TMEM38B: variants seen among roughly 807,000 people sequenced by gnomAD.
The protein encoded by TMEM38B is trimeric intracellular cation channel type B.
TMEM38B carries 24 observed loss-of-function variants against 28.7 expected under a neutral mutation model. That is an observed-to-expected ratio of 0.84 (90% confidence interval 0.61 to 1.18). The LOEUF (loss-of-function observed/expected upper bound fraction) is 1.18. Ranked by LOEUF, TMEM38B falls within the 50% of genes most tolerant of loss-of-function variation. TMEM38B has a pLI of 0.00. For missense variants in TMEM38B, 380 were observed against 350.9 expected (o/e 1.08, Z -0.66); for synonymous variants, 131 against 127.7 (o/e 1.03, Z -0.17).
intron 2 of TMEM38B, among the ~76,000 whole-genome samples, chr9:105,716,080 T>A (rs1032085894): frequency 5.3e-5 from 8 of 152,208 alleles, no homozygotes; most frequent in Non-Finnish European, 1.0e-4. Flanking sequence ...TGCTTTTTGA[T>A]ATTTCTTGGA....
At position 105,728,172 on chromosome 9, in the gene TMEM38B, C is replaced by T. The variant is rs147748939; in HGVS notation, c.542+5551C>T. Among the ~76,000 whole-genome samples, 17 of 152,076 alleles carry T rather than the reference C, an allele frequency of 1.1e-4. No homozygotes were observed. In the East Asian group the frequency reaches 1.7e-3, roughly 16 times the overall value. ...GTTTGTTACATAGGTATACATGTGC[C>T]GTGTTGGTTTGCTGTACCTATCAAC... On this transcript the variant is annotated intron_variant, in intron 4 of 5. Transcript: ENST00000374692.
intron 2 of TMEM38B, among the ~76,000 whole-genome samples, chr9:105,713,668 G>A (rs112254103): frequency 1.4e-3 from 211 of 152,290 alleles, no homozygotes; most frequent in African/African-American, 4.7e-3. Context: ...GGAAGGGGGC[G>A]GGTTCCCAGT....
At chr9:105,697,129 CACAT>C (rs1281156383) in intron 1 of TMEM38B, among the ~76,000 whole-genome samples, 1 of 152,318 alleles carries the variant, frequency 6.6e-6, no homozygotes, top group East Asian at 1.9e-4. Flanking sequence ...TTTGGACAGA[CACAT>C]ACAGTCATTC....
chr9:105,730,052 A>G (rs943159881), intron 4 of TMEM38B, among the ~76,000 whole-genome samples: 1 of 152,122 alleles, frequency 6.6e-6, no homozygotes. Context: ...CTCTCTTCCT[A>G]TTTGAATACG....
Position 105,748,200 on chromosome 9 carries a change from C to G in TMEM38B, c.660+10C>G. On this transcript the variant is annotated intron_variant, in intron 5 of 5. Transcript: ENST00000374692. ...TATTGTGGCCACAAAGGTAAGAATT[C>G]AAAGTACCTATAATTATTACAAATC... The G allele has an allele frequency of 3.8e-6, 6 of 1,562,394 alleles. No homozygotes were observed. Among genetic ancestry groups the G allele is most frequent in the Non-Finnish European group, 5.3e-6 (6 of 1,134,100 alleles).
chr9:105,754,064 A>G (rs1296988204), intron 5 of TMEM38B, among the ~76,000 whole-genome samples: 4 of 152,240 alleles, frequency 2.6e-5, no homozygotes, highest in Non-Finnish European at 5.9e-5. Context: ...AAAAAAAGAC[A>G]AAGAAGTGCA....
At chr9:105,706,934 G>A (rs1052144004) in intron 2 of TMEM38B, among the ~76,000 whole-genome samples, 11 of 152,020 alleles carry the variant, frequency 7.2e-5, no homozygotes, top group African/African-American at 2.4e-4. Context: ...GCGCCACCAC[G>A]TCTGGCTAAT....
intron 2 of TMEM38B, among the ~76,000 whole-genome samples, chr9:105,713,064 G>C (rs762225943): frequency 6.6e-6 from 1 of 152,240 alleles, no homozygotes; most frequent in Non-Finnish European, 1.5e-5. Context: ...GGGACATGCG[G>C]GAGCCCTGCC....
intron 1 of TMEM38B, among the ~76,000 whole-genome samples, chr9:105,695,131 C>G (rs1394620700): frequency 6.9e-6 from 1 of 144,816 alleles, no homozygotes; most frequent in East Asian, 1.9e-4. Flanking sequence ...CAGCCCAGGG[C>G]TTGGGCGGCC....
chr9:105,707,245 T>C (rs185704868), intron 2 of TMEM38B, among the ~76,000 whole-genome samples: 93 of 152,330 alleles, frequency 6.1e-4, no homozygotes, highest in Admixed American at 2.8e-3. Context: ...TTATGGCTCA[T>C]ATTTAATTAT....
At chr9:105,764,288 A>G (rs991958505) in intron 5 of TMEM38B, among the ~76,000 whole-genome samples, 1 of 152,196 alleles carries the variant, frequency 6.6e-6, no homozygotes, top group African/African-American at 2.4e-5. Context: ...GAGGAAGTCA[A>G]ATTGTCCCTG....
At chr9:105,719,770 A>T (rs914151295) in intron 2 of TMEM38B, among the ~76,000 whole-genome samples, 3 of 152,140 alleles carry the variant, frequency 2.0e-5, no homozygotes, top group African/African-American at 4.8e-5. Context: ...CTCACGTTAA[A>T]GTTAGGCTTA....
intron 1 of TMEM38B, 52 bp downstream of exon 1, chr9:105,694,824 G>T: frequency 1.6e-6 from 1 of 622,890 alleles, no homozygotes; most frequent in Non-Finnish European, 2.6e-6. Context: ...CTGACGGCGA[G>T]GACCGTCTAA....
At chr9:105,766,062 G>T (rs1441672782) in intron 5 of TMEM38B, among the ~76,000 whole-genome samples, 2 of 152,116 alleles carry the variant, frequency 1.3e-5, no homozygotes, top group Non-Finnish European at 2.9e-5. Context: ...CGGCCTCCCA[G>T]TGCTGGAATT....
intron 2 of TMEM38B, among the ~76,000 whole-genome samples, chr9:105,715,015 A>G (rs964443360): frequency 6.6e-6 from 1 of 152,192 alleles, no homozygotes; most frequent in Non-Finnish European, 1.5e-5. Flanking sequence ...CCTGTTACAT[A>G]TATATCTCCT....
intron 4 of TMEM38B, among the ~76,000 whole-genome samples, chr9:105,731,844 A>G (rs1201968841): frequency 6.6e-6 from 1 of 152,190 alleles, no homozygotes; most frequent in African/African-American, 2.4e-5. Flanking sequence ...GCTGGGTTAA[A>G]TGGTATTTCT....
intron 4 of TMEM38B, among the ~76,000 whole-genome samples, chr9:105,724,585 T>C (rs939348514): frequency 7.4e-5 from 11 of 149,386 alleles, no homozygotes; most frequent in Non-Finnish European, 1.5e-4. Flanking sequence ...ATCGCACCAC[T>C]GCACTCCAGC....
intron 4 of TMEM38B, among the ~76,000 whole-genome samples, chr9:105,728,152 T>C (rs569934965): frequency 3.2e-4 from 49 of 152,336 alleles, no homozygotes; most frequent in African/African-American, 1.1e-3. Flanking sequence ...TGCAGGTTTG[T>C]TACATAGGTA....
Position 105,760,396 on chromosome 9 carries a change from G to A in TMEM38B, c.660+12206G>A, listed in dbSNP as rs974151117. ...ACCAACTTATTTACAGACTGCAGTGGAAAAACATCTTGAATACTTAAAAAA... is the reference window on the plus strand; with the variant it reads ...ACCAACTTATTTACAGACTGCAGTGAAAAAACATCTTGAATACTTAAAAAA... On this transcript the variant is annotated intron_variant, in intron 5 of 5. Transcript: ENST00000374692. The A allele has an allele frequency of 7.2e-4, 536 of 746,750 alleles. 2 individuals carry two copies. Among genetic ancestry groups the A allele is most frequent in the Non-Finnish European group, 9.6e-5 (39 of 407,140 alleles). The allele number at this position is 746,750 out of a possible 1,614,324, so 46.3% of individuals were successfully genotyped here. A position where few individuals can be genotyped will look rare whatever the true frequency, so the allele number is the denominator to read the frequency against.
Sources: allele counts gnomAD v4.1 joint callset (sites outside exome capture counted in the v4.1 genomes callset), GRCh38; gene constraint gnomAD v4.1.1; transcripts MANE v1.5; gene names NCBI Gene and HGNC (gene_info 2026-07-23, HGNC 2026-07-21).